The following NR3C1 variants were observed in gnomAD, a reference collection of about 807,000 sequenced individuals.
NR3C1 encodes the protein glucocorticoid receptor.
A neutral mutation model predicts 74.0 loss-of-function variants in NR3C1; 14 were observed. The ratio of observed to expected loss-of-function variants is 0.19; its 90% CI spans 0.12 to 0.30. The LOEUF (loss-of-function observed/expected upper bound fraction) is 0.30, where lower values mean the gene tolerates loss of function less well. NR3C1 is among the 10% of genes least tolerant of loss of function. The pLI, the probability that NR3C1 is intolerant of heterozygous loss-of-function variation, is 1.00. For missense variants in NR3C1, 695 were observed against 909.8 expected, an observed-to-expected ratio of 0.76 and a Z score of 3.04; for synonymous variants, 308 against 332.5, an observed-to-expected ratio of 0.93 and a Z score of 0.80.
rs372764988 is a variant in NR3C1, at chr5:143,434,982, C to A, written c.-464G>T. On this transcript the variant is annotated 5_prime_UTR_variant, in exon 1 of 9. Coordinates refer to the NR3C1 transcript ENST00000343796. ...ACTTTTTTTTTTTTGGAGAGAAATA[C>A]AGTGACTCTCCTAATTATGGTGAAT... 5.1e-5 allele frequency: 50 copies of A among 984,740 alleles called. No homozygotes were observed. The East Asian group carries it at 4.2e-3, about 83-fold the overall frequency. The allele number at this position is 984,740 out of a possible 1,614,324, so 61.0% of individuals were successfully genotyped here. A position where few individuals can be genotyped will look rare whatever the true frequency, so the allele number is the denominator to read the frequency against.
At chr5:143,306,215 T>C (rs1340424731) in intron 4 of NR3C1, among the ~76,000 whole-genome samples, 1 of 152,206 alleles carries the variant, frequency 6.6e-6, no homozygotes, top group Admixed American at 6.5e-5. Context: ...TTACTTGGTA[T>C]GGGGCAAGAG....
At chr5:143,290,602 C>A (rs1470548499) in intron 7 of NR3C1, among the ~76,000 whole-genome samples, 3 of 152,178 alleles carry the variant, frequency 2.0e-5, no homozygotes, top group Non-Finnish European at 4.4e-5. Flanking sequence ...CAGTGTCCCT[C>A]TGTCACCCAG....
chr5:143,317,984 G>A (rs1012324176), intron 2 of NR3C1, among the ~76,000 whole-genome samples: 4 of 152,136 alleles, frequency 2.6e-5, no homozygotes, highest in African/African-American at 9.7e-5. Context: ...CCTAGTTCCA[G>A]TGCTCTAATA....
At chr5:143,390,459 T>C (rs1838027551) in intron 2 of NR3C1, among the ~76,000 whole-genome samples, 1 of 152,178 alleles carries the variant, frequency 6.6e-6, no homozygotes, top group Non-Finnish European at 1.5e-5. Context: ...GTTTACTTTA[T>C]ATCTGCTATT....
intron 2 of NR3C1, among the ~76,000 whole-genome samples, chr5:143,326,631 A>G (rs1599964587): frequency 6.6e-6 from 1 of 152,286 alleles, no homozygotes; most frequent in South Asian, 2.1e-4. Flanking sequence ...TGTCTGACTA[A>G]TGTATTCAAC....
At chr5:143,342,140 C>A (rs1417132232) in intron 2 of NR3C1, among the ~76,000 whole-genome samples, 6 of 151,878 alleles carry the variant, frequency 4.0e-5, no homozygotes, top group East Asian at 3.9e-4. Flanking sequence ...AAAAAAAAAA[C>A]CAAGAAACTA....
intron 1 of NR3C1, among the ~76,000 whole-genome samples, chr5:143,414,301 C>T (rs1175838772): frequency 6.6e-6 from 1 of 152,130 alleles, no homozygotes; most frequent in Non-Finnish European, 1.5e-5. Context: ...GTATAGGCGG[C>T]TGCAGTGAGC....
chr5:143,347,569 T>C (rs979489448), intron 2 of NR3C1, among the ~76,000 whole-genome samples: 3 of 152,232 alleles, frequency 2.0e-5, no homozygotes, highest in Non-Finnish European at 4.4e-5. Flanking sequence ...TTTACCATTA[T>C]AGAACTGGAG....
At chr5:143,376,139 A>C (rs1244563285) in intron 2 of NR3C1, among the ~76,000 whole-genome samples, 1 of 152,236 alleles carries the variant, frequency 6.6e-6, no homozygotes, top group African/African-American at 2.4e-5. Flanking sequence ...GAAAAAAAAA[A>C]AGTTGGCATA....
intron 2 of NR3C1, among the ~76,000 whole-genome samples, chr5:143,365,577 G>C (rs1833044867): frequency 6.6e-6 from 1 of 152,144 alleles, no homozygotes; most frequent in Non-Finnish European, 1.5e-5. Flanking sequence ...ATATTAGTTG[G>C]AGATTTCAAT....
intron 6 of NR3C1, among the ~76,000 whole-genome samples, chr5:143,296,451 G>A (rs1377746244): frequency 2.0e-5 from 3 of 152,042 alleles, no homozygotes; most frequent in Admixed American, 6.6e-5. Context: ...TGCTCTTACC[G>A]AAGAGGCACC....
Position 143,290,753 on chromosome 5 carries a change from C to A in NR3C1, c.2023+4707G>T, listed in dbSNP as rs149230444. Among the ~76,000 whole-genome samples, 1,053 of 151,824 alleles carry A rather than the reference C, an allele frequency of 6.9e-3. 8 individuals carry two copies. The highest frequency in any genetic ancestry group is 0.024 in the African/African-American group (999 of 41,432). Reference sequence around the variant, plus strand: ...CGGCTTTTTATAGTTTTAGTAGAGTCGGGGTTTCGCCATGTTGGTCAGGCT... The same window carrying A: ...CGGCTTTTTATAGTTTTAGTAGAGTAGGGGTTTCGCCATGTTGGTCAGGCT... On this transcript the variant is annotated intron_variant, in intron 7 of 8. Transcript: ENST00000394464.
chr5:143,399,514 T>C, intron 2 of NR3C1, 142 bp downstream of exon 2: 3 of 708,322 alleles, frequency 4.2e-6, no homozygotes, highest in Non-Finnish European at 4.7e-6. Context: ...CTACCTTTCC[T>C]ACTTTCAAAA....
intron 2 of NR3C1, among the ~76,000 whole-genome samples, chr5:143,371,508 G>A (rs1426190033): frequency 6.6e-6 from 1 of 152,188 alleles, no homozygotes; most frequent in African/African-American, 2.4e-5. Context: ...GGGGATCAAT[G>A]CTTGCTGACA....
intron 2 of NR3C1, among the ~76,000 whole-genome samples, chr5:143,315,372 T>G (rs956184434): frequency 6.6e-6 from 1 of 152,122 alleles, no homozygotes; most frequent in African/African-American, 2.4e-5. Flanking sequence ...GCCCATTCCA[T>G]TTTTGGTTGT....
chr5:143,427,709 C>T (rs1157131369), intron 1 of NR3C1, among the ~76,000 whole-genome samples: 7 of 152,196 alleles, frequency 4.6e-5, no homozygotes, highest in East Asian at 1.9e-4. Context: ...CCACTAGCAA[C>T]CTTCTGAACA....
At chr5:143,287,949 G>A (rs1451094751) in intron 7 of NR3C1, among the ~76,000 whole-genome samples, 1 of 151,986 alleles carries the variant, frequency 6.6e-6, no homozygotes, top group Non-Finnish European at 1.5e-5. Flanking sequence ...ATTGCAACAG[G>A]GACTATATGG....
intron 2 of NR3C1, among the ~76,000 whole-genome samples, chr5:143,350,389 A>C (rs1830023939): frequency 6.6e-6 from 1 of 152,134 alleles, no homozygotes; most frequent in African/African-American, 2.4e-5. Flanking sequence ...CTAATGACTG[A>C]AATTATGTGC....
rs886060048 is a variant in NR3C1, at chr5:143,280,380, G to T, written c.*1509C>A. Reference sequence around the variant, plus strand: ...AACTAAATATAAAAATATATTAGAAGTTCCATATTTTTAATATTAGATTTT... The same window carrying T: ...AACTAAATATAAAAATATATTAGAATTTCCATATTTTTAATATTAGATTTT... On this transcript the variant is annotated 3_prime_UTR_variant, in exon 9 of 9. Transcript: ENST00000394464. The T allele has an allele frequency of 3.9e-5, 6 of 152,552 alleles. No homozygotes were observed. In the East Asian group the frequency reaches 7.7e-4, roughly 20 times the overall value. 9.4% of individuals were successfully genotyped at this position (152,552 alleles called of 1,614,324 possible).
Sources: allele counts gnomAD v4.1 joint callset (sites outside exome capture counted in the v4.1 genomes callset), GRCh38; gene constraint gnomAD v4.1.1; transcripts MANE v1.5; gene names NCBI Gene and HGNC (gene_info 2026-07-23, HGNC 2026-07-21).